The following PPP1R42 variants were observed in gnomAD, a reference collection of about 807,000 sequenced individuals.
The protein encoded by PPP1R42 is leucine rich repeat containing 67.
A neutral mutation model predicts 31.0 loss-of-function variants in PPP1R42; 34 were observed. The ratio of observed to expected loss-of-function variants is 1.10; its 90% CI spans 0.83 to 1.46. PPP1R42 has a LOEUF of 1.46. PPP1R42 is among the 40% of genes most tolerant of loss of function. The pLI, the probability that PPP1R42 is intolerant of heterozygous loss-of-function variation, is 0.00. For missense variants in PPP1R42, 268 were observed against 303.0 expected (o/e 0.88, Z 0.86); for synonymous variants, 103 against 109.8 (o/e 0.94, Z 0.39).
At chr8:66,971,211 A>G in intron 7 of PPP1R42, 1 of 1,085,672 alleles carries the variant, frequency 9.2e-7, no homozygotes, top group South Asian at 2.3e-5. Flanking sequence ...AGGGTATAAC[A>G]ATATTAGATT....
At chr8:66,999,261 C>T (rs1317732205) in intron 5 of PPP1R42, among the ~76,000 whole-genome samples, 3 of 151,898 alleles carry the variant, frequency 2.0e-5, no homozygotes, top group African/African-American at 4.8e-5. Context: ...CACTCTGTTG[C>T]CTAGGCTGGA....
intron 5 of PPP1R42, among the ~76,000 whole-genome samples, chr8:67,001,000 T>G (rs540760475): frequency 2.0e-5 from 3 of 152,208 alleles, no homozygotes; most frequent in Non-Finnish European, 2.9e-5. Context: ...AGCATAACTT[T>G]GAGGATTGTT....
intron 7 of PPP1R42, among the ~76,000 whole-genome samples, chr8:66,971,961 T>C (rs567749713): frequency 8.5e-5 from 13 of 152,366 alleles, no homozygotes; most frequent in East Asian, 5.8e-4. Context: ...TCCCTTACAA[T>C]GTATTTGGTT....
At chr8:67,005,789 TATCTC>T (rs1402942274) in intron 5 of PPP1R42, among the ~76,000 whole-genome samples, 2 of 152,188 alleles carry the variant, frequency 1.3e-5, no homozygotes, top group Non-Finnish European at 2.9e-5. Context: ...TCTCCCAACT[TATCTC>T]TTTGCTGTAA....
chr8:66,992,073 C>T (rs1404288981), intron 5 of PPP1R42, among the ~76,000 whole-genome samples: 1 of 152,190 alleles, frequency 6.6e-6, no homozygotes, highest in East Asian at 1.9e-4. Context: ...CACTGATCCA[C>T]ACATTGCCAA....
intron 1 of PPP1R42, among the ~76,000 whole-genome samples, chr8:67,018,381 G>C (rs1816084073): frequency 1.3e-5 from 2 of 151,934 alleles, no homozygotes; most frequent in South Asian, 4.1e-4. Context: ...GCCTCCCAAA[G>C]TGCTGAGATT....
In PPP1R42 at chr8:66,971,103, A is replaced by G. The variant is rs533589086; in HGVS notation, c.803-6769T>C. Reference sequence around the variant, plus strand: ...ATTTTGGCTTACCCACCTGTGGGTAATAAACAGGAACTATATGATGCATTG... The same window carrying G: ...ATTTTGGCTTACCCACCTGTGGGTAGTAAACAGGAACTATATGATGCATTG... On this transcript the variant is annotated intron_variant, in intron 7 of 7. Transcript: ENST00000685739. 2.6e-3 allele frequency: 3,928 copies of G among 1,533,340 alleles called. 9 individuals carry two copies. Among genetic ancestry groups the G allele is most frequent in the Non-Finnish European group, 3.3e-3 (3,796 of 1,146,336 alleles). The allele number at this position is 1,533,340 out of a possible 1,614,324, so 95.0% of individuals were successfully genotyped here. A position where few individuals can be genotyped will look rare whatever the true frequency, so the allele number is the denominator to read the frequency against.
rs917188778 is a variant in PPP1R42, at chr8:66,978,984, A to G, written c.802+3065T>C. Among the ~76,000 whole-genome samples, 18 of 152,100 alleles carry G rather than the reference A, an allele frequency of 1.2e-4. 1 individual carries two copies. The highest frequency in any genetic ancestry group is 4.3e-4 in the African/African-American group (18 of 41,434). Reference sequence around the variant, plus strand: ...ATCCTGTCAGATGAATAGTTTACAGATATTTTCCCCATTCTATAGGTTGTC... The same window carrying G: ...ATCCTGTCAGATGAATAGTTTACAGGTATTTTCCCCATTCTATAGGTTGTC... On this transcript the variant is annotated intron_variant, in intron 7 of 7. Transcript: ENST00000685739.
chr8:66,991,421 T>G (rs907092794), intron 5 of PPP1R42, among the ~76,000 whole-genome samples: 4 of 152,194 alleles, frequency 2.6e-5, no homozygotes, highest in African/African-American at 9.6e-5. Flanking sequence ...AAAGACATGT[T>G]AACCAAAAGT....
chr8:67,010,942 G>T lies in PPP1R42; in HGVS notation c.436-111C>A, dbSNP rs368628759. The T allele has an allele frequency of 6.1e-4, 607 of 995,866 alleles. 9 individuals are homozygous for T. In the South Asian group the frequency reaches 0.015, roughly 24 times the overall value. The allele number at this position is 995,866 out of a possible 1,614,324, so 61.7% of individuals were successfully genotyped here. On this transcript the variant is annotated intron_variant, in intron 4 of 7. Coordinates refer to ENST00000685739, the MANE Select transcript of PPP1R42 (RefSeq NM_001364910.1). Reference sequence around the variant, plus strand: ...AAGCTTGATCAGTTCAGGTTGTTTTGTTCTTTAGGCAAAAACATCAAAAGC... The same window carrying T: ...AAGCTTGATCAGTTCAGGTTGTTTTTTTCTTTAGGCAAAAACATCAAAAGC...
chr8:67,018,632 C>T (rs1195438139), intron 1 of PPP1R42, among the ~76,000 whole-genome samples: 1 of 151,656 alleles, frequency 6.6e-6, no homozygotes, highest in African/African-American at 2.4e-5. Context: ...CCTGCCTCAG[C>T]CTCCCAAGCA....
chr8:66,965,316 T>C lies in PPP1R42; in HGVS notation c.803-982A>G, dbSNP rs138324716. ...TGGATTGTTCCCAGTTTTTGGTGATTATGAATAATATTATAAATGTTCAGG... is the reference window on the plus strand; with the variant it reads ...TGGATTGTTCCCAGTTTTTGGTGATCATGAATAATATTATAAATGTTCAGG... On this transcript the variant is annotated intron_variant, in intron 7 of 7. Coordinates refer to ENST00000685739, the MANE Select transcript of PPP1R42 (RefSeq NM_001364910.1). 4.0e-3 allele frequency among the ~76,000 whole-genome samples: 609 copies of C among 152,028 alleles called. 9 individuals carry two copies. The highest frequency in any genetic ancestry group is 0.013 in the African/African-American group (547 of 41,516).
intron 7 of PPP1R42, chr8:66,970,827 C>CTTTT (rs562111907): frequency 1.4e-6 from 1 of 691,068 alleles, no homozygotes. Context: ...CAACAATGAA[C>CTTTT]TTTTTTTTTC....
At chr8:67,006,238 C>T (rs922258307) in intron 5 of PPP1R42, among the ~76,000 whole-genome samples, 3 of 152,172 alleles carry the variant, frequency 2.0e-5, no homozygotes, top group Admixed American at 6.5e-5. Context: ...TCATTTCTTC[C>T]GAGGCCTTTC....
At position 66,964,344 on chromosome 8, in the gene PPP1R42, T is replaced by C. The variant is rs144634076; in HGVS notation, c.803-10A>G. On this transcript the variant is annotated splice_polypyrimidine_tract_variant and intron_variant, in intron 7 of 7. Transcript: ENST00000685739. ...CTTCAAAGAGAGATTCCTGTATTTA[T>C]AGAGAGGGAAAAAAAAGCATTAAAT... The C allele has an allele frequency of 8.3e-4, 1,033 of 1,239,296 alleles. 4 individuals carry two copies. Among genetic ancestry groups the C allele is most frequent in the African/African-American group, 6.0e-3 (377 of 62,976 alleles). The allele number at this position is 1,239,296 out of a possible 1,614,324, so 76.8% of individuals were successfully genotyped here. A position where few individuals can be genotyped will look rare whatever the true frequency, so the allele number is the denominator to read the frequency against.
Position 66,964,120 on chromosome 8 carries a change from T to C in PPP1R42, c.*201A>G. ...ACAATAACTTAAAAGTTTTTCCTTATATTATGAGATACCATAAAGCTACAA... is the reference window on the plus strand; with the variant it reads ...ACAATAACTTAAAAGTTTTTCCTTACATTATGAGATACCATAAAGCTACAA... On this transcript the variant is annotated 3_prime_UTR_variant, in exon 8 of 8. Transcript: ENST00000685739. The C allele has an allele frequency of 5.0e-6, 2 of 401,112 alleles. No individual in the cohort carries two copies. The highest frequency in any genetic ancestry group is 2.1e-5 in the African/African-American group (1 of 46,964). 24.8% of individuals were successfully genotyped at this position (401,112 alleles called of 1,614,324 possible).
chr8:66,996,661 G>A (rs1815342107), intron 5 of PPP1R42, among the ~76,000 whole-genome samples: 1 of 152,066 alleles, frequency 6.6e-6, no homozygotes. Context: ...ATTTTTATGG[G>A]TCGTGCTTTT....
At chr8:66,965,595 C>T (rs995674572) in intron 7 of PPP1R42, among the ~76,000 whole-genome samples, 7 of 151,904 alleles carry the variant, frequency 4.6e-5, no homozygotes, top group Non-Finnish European at 7.4e-5. Flanking sequence ...ACTACAGGCA[C>T]GTACCACCAC....
intron 5 of PPP1R42, among the ~76,000 whole-genome samples, chr8:66,992,314 A>G (rs1480119838): frequency 3.3e-5 from 5 of 152,124 alleles, no homozygotes; most frequent in Admixed American, 6.5e-5. Flanking sequence ...GCCTCTTCCA[A>G]TCTGTTCTTC....
Sources: gnomAD v4.1 joint callset for allele counts (sites outside exome capture counted in the v4.1 genomes callset) on GRCh38, gnomAD v4.1.1 for gene constraint, MANE v1.5 for transcripts, NCBI Gene and HGNC (gene_info 2026-07-23, HGNC 2026-07-21) for gene names.